The following TRIM33 variants were observed in gnomAD, a reference collection of about 807,000 sequenced individuals.
The protein encoded by TRIM33 is E3 ubiquitin-protein ligase TRIM33.
Under a neutral mutation model 125.4 loss-of-function variants are expected in TRIM33, and 20 were observed. The ratio of observed to expected loss-of-function variants is 0.16; its 90% CI spans 0.11 to 0.23. The LOEUF (loss-of-function observed/expected upper bound fraction) is 0.23. TRIM33 is among the 10% of genes least tolerant of loss of function. The pLI, the probability that TRIM33 is intolerant of heterozygous loss-of-function variation, is 1.00. For synonymous variants in TRIM33, 564 were observed against 513.9 expected, an observed-to-expected ratio of 1.10 and a Z score of -1.32; for missense variants, 920 against 1,411.4, an observed-to-expected ratio of 0.65 and a Z score of 5.58.
chr1:114,410,149 G>T, intron 12 of TRIM33, 35 bp downstream of exon 12: 1 of 1,608,930 alleles, frequency 6.2e-7, no homozygotes. Flanking sequence ...TTTTTTTAAG[G>T]TGTTAAAAAA....
Position 114,492,066 on chromosome 1 carries a change from A to G in TRIM33, c.526+18485T>C, listed in dbSNP as rs529321804. ...TATTTATGCTATGAGTGCTGAAAGA[A>G]GGCAAAGCATCTCCCAGTTTCACCT... On this transcript the variant is annotated intron_variant, in intron 1 of 19. Coordinates refer to ENST00000358465, the MANE Select transcript of TRIM33 (RefSeq NM_015906.4). Among the ~76,000 whole-genome samples, 17 of 152,336 alleles carry G rather than the reference A, an allele frequency of 1.1e-4. No individual in the cohort carries two copies. In the East Asian group the frequency reaches 3.3e-3, roughly 29 times the overall value.
chr1:114,510,847 G>C lies in TRIM33; in HGVS notation c.230C>G (p.Ala77Gly). The change falls in exon 1 of 20, where the codon GCT becomes GGT. Residue 77 changes from alanine (A) to glycine (G), a missense_variant. Around this residue, in one of 8 missense-constraint regions of TRIM33, gnomAD observed 233 missense variants for 189.6 expected, o/e 1.23. Coordinates refer to ENST00000358465, the MANE Select transcript of TRIM33 (RefSeq NM_015906.4). ...VAAASSGSAQ[A>G]ASSPAASVGT... ...CACTGAGGCCGCAGGAGATGAAGCAGCCTGGGCCGAGCCCGAGGAGGCCGC... is the reference window on the plus strand; with the variant it reads ...CACTGAGGCCGCAGGAGATGAAGCACCCTGGGCCGAGCCCGAGGAGGCCGC... The C allele has an allele frequency of 4.7e-6, 7 of 1,492,724 alleles. No individual in the cohort carries two copies. The highest frequency in any genetic ancestry group is 6.2e-6 in the Non-Finnish European group (7 of 1,128,568). The allele number at this position is 1,492,724 out of a possible 1,614,324, so 92.5% of individuals were successfully genotyped here.
chr1:114,467,116 C>T (rs764106216), intron 1 of TRIM33, among the ~76,000 whole-genome samples: 14 of 152,164 alleles, frequency 9.2e-5, no homozygotes, highest in Non-Finnish European at 1.8e-4. Flanking sequence ...AAGAACTATG[C>T]TAAACTATTT....
At chr1:114,465,068 G>A (rs1650209019) in intron 1 of TRIM33, among the ~76,000 whole-genome samples, 1 of 152,194 alleles carries the variant, frequency 6.6e-6, no homozygotes, top group Non-Finnish European at 1.5e-5. Flanking sequence ...CACTAAGTTT[G>A]TGGTAATTTT....
intron 1 of TRIM33, among the ~76,000 whole-genome samples, chr1:114,474,811 G>A (rs368373431): frequency 1.3e-5 from 2 of 151,220 alleles, no homozygotes; most frequent in African/African-American, 2.4e-5. Context: ...AGAATTGCTC[G>A]AACCCAGGAG....
At chr1:114,470,426 C>T (rs554778691) in intron 1 of TRIM33, among the ~76,000 whole-genome samples, 1 of 152,086 alleles carries the variant, frequency 6.6e-6, no homozygotes, top group South Asian at 2.1e-4. Flanking sequence ...TGTTTTGAGG[C>T]CCCACAAACT....
chr1:114,433,482 A>C (rs1648094722), intron 5 of TRIM33, 135 bp downstream of exon 5: 1 of 559,036 alleles, frequency 1.8e-6, no homozygotes, highest in Admixed American at 3.4e-5. Flanking sequence ...AAATATTATA[A>C]TCCCAAATTC....
At position 114,429,953 on chromosome 1, in the gene TRIM33, C is replaced by T. The variant is rs139142192; in HGVS notation, c.1155+845G>A. ...TTTCATGAACTGACTAGATTTTCAT[C>T]TAGAAACTTACACCTACAAATAAAC... On this transcript the variant is annotated intron_variant, in intron 6 of 19. Coordinates refer to ENST00000358465, the MANE Select transcript of TRIM33 (RefSeq NM_015906.4). Among the ~76,000 whole-genome samples the T allele has an allele frequency of 1.0e-3, 155 of 152,146 alleles. 1 individual carries two copies. In the East Asian group the frequency reaches 0.029, roughly 29 times the overall value.
chr1:114,510,946 T>C lies in TRIM33; in HGVS notation c.131A>G (p.Glu44Gly). 1.4e-6 allele frequency: 2 copies of C among 1,408,910 alleles called. No homozygotes were observed. Among genetic ancestry groups the C allele is most frequent in the South Asian group, 3.0e-5 (2 of 67,432 alleles). The allele number at this position is 1,408,910 out of a possible 1,614,324, so 87.3% of individuals were successfully genotyped here. The stretch of plus-strand genomic sequence containing the variant: ...CCTGCCGCCTTCCTCCTCCTCCTCC[T>C]CCACCAGCACCGCGGTGAGAGGCGG... The part of the protein sequence containing the change: ...AEPPLTAVLV[E>G]EEEEEGGRAG... The change falls in exon 1 of 20, where the codon GAG becomes GGG. Residue 44 changes from glutamate to glycine, a missense_variant. Physicochemically the swap from Glu to Gly is moderately conservative, Grantham distance 98. Coordinates refer to ENST00000358465, the MANE Select transcript of TRIM33 (RefSeq NM_015906.4).
rs764959268 is a variant in TRIM33, at chr1:114,421,603, C to G, written c.1894G>C (p.Val632Leu). 6.8e-6 allele frequency: 11 copies of G among 1,613,872 alleles called. No individual in the cohort carries two copies. Among genetic ancestry groups the G allele is most frequent in the Non-Finnish European group, 9.3e-6 (11 of 1,179,984 alleles). Residue 632 changes from valine (V) to leucine (L), a missense_variant, in exon 11 of 20, where the codon GTA (valine) becomes CTA (leucine). This residue lies in a region of TRIM33 where 407 missense variants were observed against 589.7 expected (regional missense o/e 0.69). Transcript: ENST00000358465. ...ATTGTGGTGTTGTGTACCGATACTA[C>G]GGGAAAGGGTCCAGCATGCCCTGGG... ...SNPGHAGPFP[V>L]VSVHNTTINP...
intron 4 of TRIM33, among the ~76,000 whole-genome samples, chr1:114,462,800 C>T (rs1319721141): frequency 6.6e-6 from 1 of 152,020 alleles, no homozygotes; most frequent in Admixed American, 6.6e-5. Context: ...TACTATAGGA[C>T]ACCAAGAAAA....
At chr1:114,429,665 T>C (rs1347459638) in intron 6 of TRIM33, among the ~76,000 whole-genome samples, 2 of 151,660 alleles carry the variant, frequency 1.3e-5, no homozygotes, top group Non-Finnish European at 2.9e-5. Flanking sequence ...TTGAGGTTAA[T>C]GGAAATAATC....
chr1:114,504,391 C>T (rs1380284891), intron 1 of TRIM33, among the ~76,000 whole-genome samples: 5 of 152,142 alleles, frequency 3.3e-5, no homozygotes, highest in African/African-American at 9.7e-5. Context: ...TAGTCCCCTA[C>T]TCCTGGACTC....
intron 4 of TRIM33, among the ~76,000 whole-genome samples, chr1:114,453,784 T>G (rs144915169): frequency 1.5e-3 from 230 of 152,306 alleles, no homozygotes; most frequent in Non-Finnish European, 3.0e-3. Flanking sequence ...TGACAGAGAC[T>G]GACCCAATAA....
chr1:114,493,124 TTTG>T (rs564272374), intron 1 of TRIM33, among the ~76,000 whole-genome samples: 46 of 152,324 alleles, frequency 3.0e-4, no homozygotes, highest in Middle Eastern at 6.8e-3. Context: ...TCCTTGTGGT[TTTG>T]TTTACATTTC....
In TRIM33 at chr1:114,495,552, AAT is replaced by A. The variant is rs577545821; in HGVS notation, c.526+14997_526+14998del. On this transcript the variant is annotated intron_variant, in intron 1 of 19. Transcript: ENST00000358465. ...TTTAACGTAAGATAAAACATAACAA[AAT>A]ATGTTATTTTACAGACAAGGAACAG... Among the ~76,000 whole-genome samples, 108 of 152,336 alleles carry A rather than the reference AAT, an allele frequency of 7.1e-4. 1 individual carries two copies. The South Asian group carries it at 0.022, about 30-fold the overall frequency.
At position 114,510,809 on chromosome 1, in the gene TRIM33, C is replaced by T; in HGVS notation, c.268G>A (p.Ala90Thr). Residue 90 changes from alanine (A) to threonine (T), a missense_variant, in exon 1 of 20, where the codon GCC becomes ACC. By Grantham distance (58) the Ala-to-Thr change is moderately conservative. Around this residue, in one of 8 missense-constraint regions of TRIM33, gnomAD observed 233 missense variants for 189.6 expected, o/e 1.23. Transcript: ENST00000358465. Reference sequence around the variant, plus strand: ...GCCGGCGTCGATACTGCGCCCCCGGCAACTCCAGTGCCCACTGAGGCCGCA... The same window carrying T: ...GCCGGCGTCGATACTGCGCCCCCGGTAACTCCAGTGCCCACTGAGGCCGCA... ...SPAASVGTGV[A>T]GGAVSTPAPA... The T allele has an allele frequency of 6.6e-7, 1 of 1,519,594 alleles. No homozygotes were observed. Among genetic ancestry groups the T allele is most frequent in the Non-Finnish European group, 8.8e-7 (1 of 1,139,920 alleles). 94.1% of individuals were successfully genotyped at this position (1,519,594 alleles called of 1,614,324 possible).
chr1:114,461,619 T>C (rs569002938), intron 4 of TRIM33, among the ~76,000 whole-genome samples: 12 of 151,998 alleles, frequency 7.9e-5, no homozygotes, highest in Non-Finnish European at 1.6e-4. Flanking sequence ...TAAAGGAAAA[T>C]GGTAAAAGAA....
At chr1:114,488,165 C>A (rs571848074) in intron 1 of TRIM33, among the ~76,000 whole-genome samples, 3 of 152,052 alleles carry the variant, frequency 2.0e-5, no homozygotes, top group Admixed American at 6.6e-5. Flanking sequence ...ATATCTAAGA[C>A]GCTATTCAAA....
Sources: allele counts gnomAD v4.1 joint callset (sites outside exome capture counted in the v4.1 genomes callset), GRCh38; gene constraint gnomAD v4.1.1; regional missense constraint gnomAD v4.1.1; transcripts MANE v1.5; gene names NCBI Gene and HGNC (gene_info 2026-07-23, HGNC 2026-07-21).